The following ANKRD33B variants were observed in gnomAD, a reference collection of about 807,000 sequenced individuals.
ANKRD33B encodes ankyrin repeat domain-containing protein 33B.
Under a neutral mutation model 21.5 loss-of-function variants are expected in ANKRD33B, and 6 were observed. The observed-to-expected ratio is 0.28, with a 90% CI of 0.15 to 0.55. The LOEUF is 0.55. Among genes scored for constraint, ANKRD33B ranks in the 20% least tolerant of loss-of-function variants. The pLI, the probability that ANKRD33B is intolerant of heterozygous loss-of-function variation, is 0.94. For missense variants in ANKRD33B, 698 were observed against 747.2 expected (o/e 0.93, Z 0.77); for synonymous variants, 347 against 342.4 (o/e 1.01, Z -0.15).
chr5:10,615,414 A>G (rs182055648), intron 1 of ANKRD33B, among the ~76,000 whole-genome samples: 2 of 152,374 alleles, frequency 1.3e-5, no homozygotes, highest in East Asian at 3.9e-4. Flanking sequence ...CTCATGAGAA[A>G]GAAAGTGAGA....
intron 1 of ANKRD33B, 98 bp downstream of exon 1, chr5:10,564,931 G>C: frequency 7.2e-7 from 1 of 1,388,292 alleles, no homozygotes; most frequent in South Asian, 1.5e-5. Flanking sequence ...GCTCCGGACC[G>C]GTCCCTCGGT....
intron 1 of ANKRD33B, among the ~76,000 whole-genome samples, chr5:10,613,955 C>A (rs917527039): frequency 6.6e-6 from 1 of 150,522 alleles, no homozygotes; most frequent in Non-Finnish European, 1.5e-5. Flanking sequence ...CCCCACCCCA[C>A]CAACCCTGGA....
chr5:10,650,251 C>T lies in ANKRD33B; in HGVS notation c.*138C>T. ...CCACGGGGCTGCGCGCATTTCCAGG[C>T]TGTTTGTCCAGGCTGCTTCCAAGAG... On this transcript the variant is annotated 3_prime_UTR_variant, in exon 4 of 4. Transcript: ENST00000296657. 1.0e-6 allele frequency: 1 copy of T among 996,310 alleles called. No homozygotes were observed. Among genetic ancestry groups the T allele is most frequent in the Non-Finnish European group, 1.3e-6 (1 of 747,754 alleles). 61.7% of individuals were successfully genotyped at this position (996,310 alleles called of 1,614,324 possible). A position where few individuals can be genotyped will look rare whatever the true frequency, so the allele number is the denominator to read the frequency against.
chr5:10,593,325 C>T (rs55691294), intron 1 of ANKRD33B, among the ~76,000 whole-genome samples: 54,147 of 151,858 alleles, frequency 0.36, 11,128 homozygotes, highest in East Asian at 0.6. Context: ...TAGCTATTAA[C>T]TCTTTTAAGA....
intron 1 of ANKRD33B, among the ~76,000 whole-genome samples, chr5:10,580,649 G>A (rs942783070): frequency 2.0e-5 from 3 of 152,014 alleles, no homozygotes; most frequent in African/African-American, 7.3e-5. Flanking sequence ...TTGGGGTGGG[G>A]GCAGCTCTGT....
In ANKRD33B at chr5:10,593,968, T is replaced by C. The variant is rs115250897; in HGVS notation, c.367-24365T>C. Among the ~76,000 whole-genome samples the C allele has an allele frequency of 5.8e-3, 880 of 152,276 alleles. 7 individuals are homozygous for C. The highest frequency in any genetic ancestry group is 0.02 in the African/African-American group (834 of 41,546). Reference sequence around the variant, plus strand: ...TGGTCCCGTGGCAAGGCAGAACCTGTCCCAGAGTCTCTGCAGTGAGCAAAG... The same window carrying C: ...TGGTCCCGTGGCAAGGCAGAACCTGCCCCAGAGTCTCTGCAGTGAGCAAAG... On this transcript the variant is annotated intron_variant, in intron 1 of 3. Coordinates refer to ENST00000296657, the MANE Select transcript of ANKRD33B (RefSeq NM_001164440.2).
intron 1 of ANKRD33B, among the ~76,000 whole-genome samples, chr5:10,598,729 C>T (rs768979586): frequency 3.3e-5 from 5 of 152,144 alleles, no homozygotes; most frequent in Non-Finnish European, 7.3e-5. Flanking sequence ...GCATTAGCTA[C>T]TACACCTGGC....
Position 10,651,320 on chromosome 5 carries a change from G to C in ANKRD33B, c.*1207G>C, listed in dbSNP as rs1579764593. On this transcript the variant is annotated 3_prime_UTR_variant, in exon 4 of 4. Coordinates refer to ENST00000296657, the MANE Select transcript of ANKRD33B (RefSeq NM_001164440.2). ...TAGAATTTCCAAGATGCAGGGCCTTGGGCAGGGCAGGGCATGGGTGTGATT... is the reference window on the plus strand; with the variant it reads ...TAGAATTTCCAAGATGCAGGGCCTTCGGCAGGGCAGGGCATGGGTGTGATT... The C allele has an allele frequency of 2.6e-5, 4 of 152,432 alleles. No individual in the cohort carries two copies. In the South Asian group the frequency reaches 8.3e-4, roughly 32 times the overall value. 9.4% of individuals were successfully genotyped at this position (152,432 alleles called of 1,614,324 possible).
chr5:10,646,221 TG>T (rs750878718), intron 3 of ANKRD33B, among the ~76,000 whole-genome samples: 3 of 152,152 alleles, frequency 2.0e-5, no homozygotes, highest in Non-Finnish European at 4.4e-5. Context: ...GATTGAGCCC[TG>T]GGCAAAACAA....
Position 10,619,916 on chromosome 5 carries a change from G to A in ANKRD33B, c.496+1454G>A, listed in dbSNP as rs1346921864. Among the ~76,000 whole-genome samples, 2 of 152,160 alleles carry A rather than the reference G, an allele frequency of 1.3e-5. No individual in the cohort carries two copies. The highest frequency in any genetic ancestry group is 2.1e-4 in the South Asian group (1 of 4,830). ...GGGATGAGAACACTCTATCTAGCCT[G>A]AAGTTCATGATAAGGTCTTGCAAGA... On this transcript the variant is annotated intron_variant, in intron 2 of 3. Coordinates refer to ENST00000296657, the MANE Select transcript of ANKRD33B (RefSeq NM_001164440.2). This position sits in a 1 kb window ranked among gnomAD's most constrained non-coding sequence, Gnocchi z 4.5.
intron 2 of ANKRD33B, among the ~76,000 whole-genome samples, chr5:10,633,983 G>C (rs544973211): frequency 1.2e-4 from 19 of 152,196 alleles, no homozygotes; most frequent in Admixed American, 2.0e-4. Flanking sequence ...GGTTAAGGAG[G>C]GGGGAACACG....
At chr5:10,582,230 G>C (rs1735459156) in intron 1 of ANKRD33B, among the ~76,000 whole-genome samples, 1 of 152,162 alleles carries the variant, frequency 6.6e-6, no homozygotes, top group Admixed American at 6.5e-5. Context: ...TTACTGTTTT[G>C]AAATTCTTAA....
chr5:10,586,679 T>C lies in ANKRD33B; in HGVS notation c.366+21846T>C, dbSNP rs991898857. ...GCAATTTAGGAAATTGCTCTTGGTA[T>C]CTTGCAGTCACAGCCAGATTCAATT... On this transcript the variant is annotated intron_variant, in intron 1 of 3. Transcript: ENST00000296657. Among the ~76,000 whole-genome samples the C allele has an allele frequency of 3.3e-5, 5 of 152,354 alleles. No individual in the cohort carries two copies. The East Asian group carries it at 9.6e-4, about 29-fold the overall frequency.
chr5:10,649,153 TTGGGGCCAGGGG>T (rs1737258450), intron 3 of ANKRD33B, 101 bp from the exon 4 acceptor site: 1 of 1,433,940 alleles, frequency 7.0e-7, no homozygotes, highest in Non-Finnish European at 9.1e-7. Flanking sequence ...GTTAGGAGGC[TTGGGGCCAGGGG>T]TGGGGGGTGG....
chr5:10,572,779 T>C (rs1339095691), intron 1 of ANKRD33B, among the ~76,000 whole-genome samples: 1 of 152,194 alleles, frequency 6.6e-6, no homozygotes, highest in East Asian at 1.9e-4. Context: ...GCTGACGTGG[T>C]TACACCTGCT....
chr5:10,637,104 T>G (rs11749539), intron 2 of ANKRD33B, among the ~76,000 whole-genome samples: 3 of 151,856 alleles, frequency 2.0e-5, no homozygotes, highest in Admixed American at 2.0e-4. Context: ...GGGAGATGTA[T>G]TCACACAAGG....
At chr5:10,624,721 C>G (rs774212346) in intron 2 of ANKRD33B, 3 of 455,754 alleles carry the variant, frequency 6.6e-6, no homozygotes, top group South Asian at 4.7e-5. Context: ...TTCTGAACCT[C>G]CAGGGGCTGC....
intron 1 of ANKRD33B, among the ~76,000 whole-genome samples, chr5:10,580,512 CA>C (rs148256308): frequency 0.12 from 18,111 of 152,112 alleles, 1,163 homozygotes; most frequent in African/African-American, 0.16. Context: ...CCCCCAGCCC[CA>C]CCCTGCCACC....
chr5:10,644,741 G>T (rs1737151590), intron 3 of ANKRD33B, among the ~76,000 whole-genome samples: 1 of 152,192 alleles, frequency 6.6e-6, no homozygotes, highest in Non-Finnish European at 1.5e-5. Flanking sequence ...GTGTGAATTT[G>T]CCATGTAGAA....
Sources: gnomAD v4.1 joint callset for allele counts (sites outside exome capture counted in the v4.1 genomes callset) on GRCh38, gnomAD v4.1.1 for gene constraint, Gnocchi (gnomAD v3.1) non-coding constraint, MANE v1.5 for transcripts, NCBI Gene and HGNC (gene_info 2026-07-23, HGNC 2026-07-21) for gene names.